KIAA1671: variants seen among roughly 807,000 people sequenced by gnomAD.
KIAA1671 encodes KIAA1671.
In KIAA1671, 52 loss-of-function variants were observed where a neutral mutation model predicts 131.2. The observed-to-expected ratio is 0.40, with a 90% confidence interval of 0.32 to 0.50. KIAA1671 has a LOEUF of 0.50. Ranked by LOEUF, KIAA1671 falls within the 20% of genes least tolerant of loss-of-function variation. KIAA1671 has a pLI of 0.73. For missense variants in KIAA1671, 2,360 were observed against 2,364.2 expected, an observed-to-expected ratio of 1.00 and a Z score of 0.04; for synonymous variants, 1,003 against 961.6, an observed-to-expected ratio of 1.04 and a Z score of -0.80.
Position 25,041,406 on chromosome 22 carries a change from C to G in KIAA1671, c.4276C>G (p.His1426Asp). 2 of 1,551,788 alleles carry G rather than the reference C, an allele frequency of 1.3e-6. No homozygotes were observed. The highest frequency in any genetic ancestry group is 1.4e-5 in the African/African-American group (1 of 73,160). The change falls in exon 5 of 13, where the codon CAT becomes GAT. Residue 1426 changes from histidine to aspartate, a missense_variant. This residue lies in a region of KIAA1671 where 1,161 missense variants were observed against 1,204.7 expected (regional missense o/e 0.96). Transcript: ENST00000358431. The stretch of plus-strand genomic sequence containing the variant: ...CATCCGAGAGGGCCTGTCCATCATG[C>G]ATGAAGCCAGAGAGAGGAGGCGAGA... Reference protein sequence around the residue: ...ANIREGLSIMHEARERRREQP... With the variant: ...ANIREGLSIMDEARERRREQP...
chr22:25,183,588 G>T (rs1250166987), intron 10 of KIAA1671, among the ~76,000 whole-genome samples: 4 of 151,004 alleles, frequency 2.6e-5, no homozygotes, highest in African/African-American at 9.8e-5. Context: ...GAGTGCAGTG[G>T]TGTGATCCAC....
At chr22:25,043,793 G>A (rs1324581568) in intron 5 of KIAA1671, among the ~76,000 whole-genome samples, 3 of 152,176 alleles carry the variant, frequency 2.0e-5, no homozygotes, top group African/African-American at 4.8e-5. Flanking sequence ...TGGGAAGAGC[G>A]TAGAATGTTG....
intron 1 of KIAA1671, among the ~76,000 whole-genome samples, chr22:25,017,953 G>A (rs1057205759): frequency 1.5e-4 from 22 of 151,704 alleles, no homozygotes; most frequent in South Asian, 1.0e-3. Context: ...TAGTGCTTGC[G>A]CTCTAATAAC....
chr22:24,955,489 T>C (rs1921644618), intron 1 of KIAA1671, among the ~76,000 whole-genome samples: 1 of 152,176 alleles, frequency 6.6e-6, no homozygotes, highest in Non-Finnish European at 1.5e-5. Context: ...GAATAGCTTG[T>C]GCAGAAGCCT....
chr22:25,142,762 G>A (rs1932825259), intron 6 of KIAA1671, among the ~76,000 whole-genome samples: 1 of 152,294 alleles, frequency 6.6e-6, no homozygotes, highest in African/African-American at 2.4e-5. Context: ...GTCGCTACTT[G>A]GGAGGCTGAG....
intron 6 of KIAA1671, among the ~76,000 whole-genome samples, chr22:25,160,210 G>A (rs936165870): frequency 1.3e-5 from 2 of 152,184 alleles, no homozygotes; most frequent in African/African-American, 4.8e-5. Flanking sequence ...AGGTCATCTA[G>A]GGAGTGGAGC....
At chr22:25,032,562 A>G in intron 3 of KIAA1671, 47 bp from the exon 4 acceptor site, 1 of 1,243,474 alleles carries the variant, frequency 8.0e-7, no homozygotes, top group Non-Finnish European at 1.1e-6. Flanking sequence ...GGCTGGGGGG[A>G]ATAACAGCTT....
intron 12 of KIAA1671, among the ~76,000 whole-genome samples, chr22:25,192,057 C>T (rs1393631453): frequency 6.6e-6 from 1 of 152,002 alleles, no homozygotes; most frequent in African/African-American, 2.4e-5. Flanking sequence ...TAAAACTATG[C>T]TCAAGGGATT....
intron 6 of KIAA1671, among the ~76,000 whole-genome samples, chr22:25,136,414 A>G (rs1362816658): frequency 6.6e-6 from 1 of 152,204 alleles, no homozygotes; most frequent in Non-Finnish European, 1.5e-5. Context: ...GCTTTTTTCT[A>G]CACTGAACCA....
intron 1 of KIAA1671, among the ~76,000 whole-genome samples, chr22:24,976,386 AC>A (rs1396203903): frequency 6.6e-6 from 1 of 152,250 alleles, no homozygotes; most frequent in African/African-American, 2.4e-5. Flanking sequence ...GAGCAGGGAC[AC>A]AAATGCTAGG....
At chr22:24,970,353 C>T (rs988600373) in intron 1 of KIAA1671, among the ~76,000 whole-genome samples, 1 of 152,110 alleles carries the variant, frequency 6.6e-6, no homozygotes, top group African/African-American at 2.4e-5. Flanking sequence ...GCTGGGGGAG[C>T]CATAGGGCAG....
chr22:25,013,416 G>A (rs1569206079), intron 1 of KIAA1671: 1 of 152,180 alleles, frequency 6.6e-6, no homozygotes, highest in Non-Finnish European at 1.5e-5. Flanking sequence ...CCCAAGGCAA[G>A]GGACAGTGGG....
chr22:25,125,203 G>A (rs919461060), intron 6 of KIAA1671, among the ~76,000 whole-genome samples: 2 of 152,192 alleles, frequency 1.3e-5, no homozygotes, highest in African/African-American at 4.8e-5. Context: ...AAACTGGAGG[G>A]CCACATTCAA....
At chr22:25,086,187 G>A (rs550058506) in intron 6 of KIAA1671, among the ~76,000 whole-genome samples, 3 of 152,304 alleles carry the variant, frequency 2.0e-5, no homozygotes, top group East Asian at 3.9e-4. Flanking sequence ...CAATGAATGC[G>A]AAAATGAAAC....
At chr22:25,173,637 T>C (rs1298883965) in intron 7 of KIAA1671, among the ~76,000 whole-genome samples, 2 of 152,196 alleles carry the variant, frequency 1.3e-5, no homozygotes, top group Non-Finnish European at 2.9e-5. Context: ...AAAAGAATTA[T>C]AATGTAAGCT....
chr22:25,169,659 G>A (rs929702693), intron 6 of KIAA1671, among the ~76,000 whole-genome samples: 1 of 152,236 alleles, frequency 6.6e-6, no homozygotes, highest in Non-Finnish European at 1.5e-5. Flanking sequence ...AATGAGGGAA[G>A]ACAGCAGTTC....
chr22:24,997,235 C>T (rs567916814), intron 1 of KIAA1671, among the ~76,000 whole-genome samples: 1 of 152,234 alleles, frequency 6.6e-6, no homozygotes, highest in South Asian at 2.1e-4. Context: ...TTCTGGGAAC[C>T]AAAGCCTACC....
rs1042511150 is a variant in KIAA1671, at chr22:25,040,765, C to T, written c.3635C>T (p.Ser1212Leu). 83 of 1,551,694 alleles carry T rather than the reference C, an allele frequency of 5.3e-5. No individual in the cohort carries two copies. The highest frequency in any genetic ancestry group is 6.7e-5 in the Non-Finnish European group (77 of 1,147,052). The change falls in exon 5 of 13, where the codon TCG becomes TTG. Residue 1212 changes from serine (S) to leucine (L), a missense_variant. Ser to Leu is a moderately radical substitution (Grantham distance 145, BLOSUM62 -2). Around this residue, in one of 3 missense-constraint regions of KIAA1671, gnomAD observed 1,161 missense variants for 1,204.7 expected, o/e 0.96. Transcript: ENST00000358431. The part of the protein sequence containing the change: ...DALMAEYQEL[S>L]LKVPGEAQER... ...CTGATGGCAGAGTACCAGGAGCTGT[C>T]GCTGAAAGTCCCTGGGGAGGCTCAG...
intron 6 of KIAA1671, among the ~76,000 whole-genome samples, chr22:25,132,749 A>G (rs1449636222): frequency 6.6e-6 from 1 of 152,206 alleles, no homozygotes; most frequent in Non-Finnish European, 1.5e-5. Context: ...AGAGTTCTTC[A>G]TGGAAGCACC....
Sources: allele counts gnomAD v4.1 joint callset (sites outside exome capture counted in the v4.1 genomes callset), GRCh38; gene constraint gnomAD v4.1.1; regional missense constraint gnomAD v4.1.1; transcripts MANE v1.5; gene names NCBI Gene and HGNC (gene_info 2026-07-23, HGNC 2026-07-21).